NCOA6: variants seen among roughly 807,000 people sequenced by gnomAD.
NCOA6 encodes the protein NRC RAP250.
In NCOA6, 49 loss-of-function variants were observed where a neutral mutation model predicts 171.4. The observed-to-expected ratio is 0.29, with a 90% CI of 0.23 to 0.36. The LOEUF (loss-of-function observed/expected upper bound fraction) is 0.36. Among genes scored for constraint, NCOA6 ranks in the 10% least tolerant of loss-of-function variants. NCOA6 has a pLI of 1.00. For missense variants in NCOA6, 2,248 were observed against 2,554.5 expected, an observed-to-expected ratio of 0.88 and a Z score of 2.59; for synonymous variants, 910 against 927.5, an observed-to-expected ratio of 0.98 and a Z score of 0.34.
rs535163829 is a variant in NCOA6 at position 34,733,271 on chromosome 20, C to T, written c.5963-676G>A. Among the ~76,000 whole-genome samples the T allele has an allele frequency of 3.3e-5, 5 of 152,312 alleles. No homozygotes were observed. The South Asian group carries it at 1.0e-3, about 32-fold the overall frequency. On this transcript the variant is annotated intron_variant, in intron 12 of 14. Transcript: ENST00000359003. The stretch of plus-strand genomic sequence containing the variant: ...ATTATGTGCCTTTAGGTAGTTCCAT[C>T]TTTTCCAAAAGCCTTCCCTGATGTA...
Position 34,742,708 on chromosome 20 carries a change from T to G in NCOA6, c.3548A>C (p.Gln1183Pro), listed in dbSNP as rs562725795. 1.9e-6 allele frequency: 3 copies of G among 1,614,136 alleles called. No individual in the cohort carries two copies. The African/African-American group carries it at 4.0e-5, about 22-fold the overall frequency. ...LSATQGATPQ[Q>P]PPVNSLPSSH... ...GCTGGGCAGGGAATTTACAGGGGGT[T>G]GCTGGGGAGTTGCACCTTGAGTTGC... is the stretch of plus-strand genomic sequence containing the variant. The change falls in exon 11 of 15, where the codon CAA (glutamine) becomes CCA (proline). Residue 1183 changes from glutamine to proline, a missense_variant. By Grantham distance (76) the Gln-to-Pro change is moderately conservative (BLOSUM62 -1). This residue lies in a region of NCOA6 where 352 missense variants were observed against 419.1 expected (regional missense o/e 0.84). Coordinates refer to ENST00000359003, the MANE Select transcript of NCOA6 (RefSeq NM_014071.5).
chr20:34,813,752 G>A (rs1226696157), intron 1 of NCOA6, among the ~76,000 whole-genome samples: 1 of 151,590 alleles, frequency 6.6e-6, no homozygotes, highest in East Asian at 1.9e-4. Flanking sequence ...ATTATTCCTG[G>A]GGCTTTTTCT....
chr20:34,811,460 C>CT (rs1253326380), intron 1 of NCOA6, among the ~76,000 whole-genome samples: 78 of 151,906 alleles, frequency 5.1e-4, no homozygotes, highest in African/African-American at 1.8e-3. Context: ...TCATGAGACT[C>CT]TTTTGCCTGC....
chr20:34,767,461 A>T (rs2077014079), intron 5 of NCOA6, among the ~76,000 whole-genome samples: 3 of 152,012 alleles, frequency 2.0e-5, no homozygotes, highest in South Asian at 4.2e-4. Flanking sequence ...ACACCTAGCT[A>T]ATTTTTGTAT....
At chr20:34,733,386 G>A (rs574892816) in intron 12 of NCOA6, among the ~76,000 whole-genome samples, 1 of 152,272 alleles carries the variant, frequency 6.6e-6, no homozygotes, top group African/African-American at 2.4e-5. Context: ...ATTACTCAGT[G>A]TACATGTCTA....
At chr20:34,722,837 A>C (rs564491205) in intron 14 of NCOA6, among the ~76,000 whole-genome samples, 42 of 151,840 alleles carry the variant, frequency 2.8e-4, no homozygotes, top group African/African-American at 8.9e-4. Flanking sequence ...AAAAATACAC[A>C]CACACCCACA....
chr20:34,741,487 G>A lies in NCOA6; in HGVS notation c.4769C>T (p.Thr1590Ile), dbSNP rs1338456414. 3.1e-6 allele frequency: 5 copies of A among 1,614,104 alleles called. No individual in the cohort carries two copies. The highest frequency in any genetic ancestry group is 4.2e-6 in the Non-Finnish European group (5 of 1,180,056). The change falls in exon 11 of 15, where the codon ACT becomes ATT. Residue 1590 changes from threonine (T) to isoleucine (I), a missense_variant. Physicochemically the swap from Thr to Ile is moderately conservative, Grantham distance 89 (BLOSUM62 -1). Around this residue, in one of 7 missense-constraint regions of NCOA6, gnomAD observed 884 missense variants for 941.9 expected, o/e 0.94. Coordinates refer to ENST00000359003, the MANE Select transcript of NCOA6 (RefSeq NM_014071.5). The stretch of plus-strand genomic sequence containing the variant: ...AGTTATTTGATTTGGGGGCAAGGGA[G>A]TGGAAATGGAGGAAGAGCTAACAGG... ...SRPVSSSSIS[T>I]PLPPNQITVF...
At chr20:34,751,282 A>C (rs1010670266) in intron 8 of NCOA6, among the ~76,000 whole-genome samples, 1 of 147,214 alleles carries the variant, frequency 6.8e-6, no homozygotes, top group Non-Finnish European at 1.5e-5. Context: ...AGGCAGGAGA[A>C]TGGCGTGAAC....
chr20:34,736,543 T>A, intron 12 of NCOA6, 147 bp downstream of exon 12: 1 of 569,092 alleles, frequency 1.8e-6, no homozygotes, highest in Non-Finnish European at 2.9e-6. Flanking sequence ...ACAAGCTTTG[T>A]CACTCAACCA....
chr20:34,736,728 G>A lies in NCOA6; in HGVS notation c.5924C>T (p.Thr1975Ile). The A allele has an allele frequency of 6.2e-7, 1 of 1,611,662 alleles. No homozygotes were observed. Among genetic ancestry groups the A allele is most frequent in the Non-Finnish European group, 8.5e-7 (1 of 1,178,726 alleles). ...AGAGGCCTGCAGTGCTGTGGTTGAAGTTTCCTTTGAGACTAAATTCTGCGA... is the reference window on the plus strand; with the variant it reads ...AGAGGCCTGCAGTGCTGTGGTTGAAATTTCCTTTGAGACTAAATTCTGCGA... Reference protein sequence around the residue: ...APSQNLVSKETSTTALQASVA... With the variant: ...APSQNLVSKEISTTALQASVA... The change falls in exon 12 of 15, where the codon ACT becomes ATT. Residue 1975 changes from threonine (T) to isoleucine (I), a missense_variant. Thr to Ile is a moderately conservative substitution (Grantham distance 89, BLOSUM62 -1). Coordinates refer to ENST00000359003, the MANE Select transcript of NCOA6 (RefSeq NM_014071.5).
At chr20:34,754,444 A>G (rs1284889842) in intron 8 of NCOA6, among the ~76,000 whole-genome samples, 1 of 152,226 alleles carries the variant, frequency 6.6e-6, no homozygotes, top group East Asian at 1.9e-4. Context: ...TGAAAAGCCA[A>G]GAATATTTAC....
At chr20:34,805,685 C>CT (rs896675332) in intron 1 of NCOA6, among the ~76,000 whole-genome samples, 4,734 of 141,126 alleles carry the variant, frequency 0.034, 217 homozygotes, top group African/African-American at 0.1. Flanking sequence ...CTCTTCTTAG[C>CT]TTTTTTTTTT....
intron 1 of NCOA6, chr20:34,820,282 T>C (rs1271260217): frequency 2.6e-5 from 4 of 151,558 alleles, no homozygotes; most frequent in African/African-American, 7.3e-5. Context: ...GCATGGGAGG[T>C]GGGAGGGTTG....
intron 1 of NCOA6, among the ~76,000 whole-genome samples, chr20:34,818,080 T>C (rs1301504317): frequency 6.6e-6 from 1 of 152,234 alleles, no homozygotes; most frequent in Non-Finnish European, 1.5e-5. Flanking sequence ...CTTCATTTTA[T>C]ATGTAAAAAG....
chr20:34,795,797 T>A (rs919705326), intron 1 of NCOA6, among the ~76,000 whole-genome samples: 6 of 152,182 alleles, frequency 3.9e-5, no homozygotes, highest in African/African-American at 1.4e-4. Context: ...TTGGGTGTGG[T>A]AATGTTATTT....
intron 13 of NCOA6, among the ~76,000 whole-genome samples, chr20:34,730,460 G>A (rs959027754): frequency 1.3e-5 from 2 of 151,910 alleles, no homozygotes; most frequent in African/African-American, 4.8e-5. Flanking sequence ...TGTTTTTTAT[G>A]GTCAATGCTC....
intron 7 of NCOA6, 98 bp downstream of exon 7, chr20:34,757,122 T>G: frequency 2.3e-6 from 3 of 1,288,898 alleles, no homozygotes; most frequent in East Asian, 4.8e-5. Context: ...AATAATTATA[T>G]CCTTACTCCA....
intron 1 of NCOA6, among the ~76,000 whole-genome samples, chr20:34,813,026 G>T (rs2078718759): frequency 6.6e-6 from 1 of 151,920 alleles, no homozygotes; most frequent in African/African-American, 2.4e-5. Context: ...GGGAATGGTG[G>T]AACACCCCTA....
At chr20:34,721,197 C>T (rs1401556283) in intron 14 of NCOA6, among the ~76,000 whole-genome samples, 1 of 121,162 alleles carries the variant, frequency 8.3e-6, no homozygotes, top group African/African-American at 3.1e-5. Context: ...CCACTAAAAA[C>T]CCAAAAGGGA....
Sources: allele counts gnomAD v4.1 joint callset (sites outside exome capture counted in the v4.1 genomes callset), GRCh38; gene constraint gnomAD v4.1.1; regional missense constraint gnomAD v4.1.1; transcripts MANE v1.5; gene names NCBI Gene and HGNC (gene_info 2026-07-23, HGNC 2026-07-21).